Variants in PPOX observed in about 807,000 individuals in gnomAD.
PPOX encodes protoporphyrinogen oxidase.
A neutral mutation model predicts 54.1 loss-of-function variants in PPOX; 23 were observed. That is an observed-to-expected ratio of 0.43 (90% CI 0.31 to 0.60). The LOEUF (loss-of-function observed/expected upper bound fraction) is 0.60. Ranked by LOEUF, PPOX falls within the 20% of genes least tolerant of loss-of-function variation. The pLI, the probability that PPOX is intolerant of heterozygous loss-of-function variation, is 0.13. For synonymous variants in PPOX, 224 were observed against 236.1 expected (o/e 0.95, Z 0.47); for missense variants, 512 against 601.1 (o/e 0.85, Z 1.55).
At chr1:161,167,290 A>G in intron 3 of PPOX, 56 bp downstream of exon 3, 1 of 1,614,060 alleles carries the variant, frequency 6.2e-7, no homozygotes. Flanking sequence ...CCATTGGGGA[A>G]TAGAGTTTAG....
chr1:161,174,095 G>T, downstream of PPOX: 1 of 1,580,752 alleles, frequency 6.3e-7, no homozygotes. Flanking sequence ...TAGGTGGCAC[G>T]GAGAAAAGGG....
At chr1:161,167,565 T>TTC (rs1659511518) in intron 4 of PPOX, 79 bp downstream of exon 4, 1 of 1,367,176 alleles carries the variant, frequency 7.3e-7, no homozygotes, top group African/African-American at 1.7e-5. Context: ...TTCTTTTTTT[T>TTC]TTTTTTTTTT....
At chr1:161,175,836 G>A (rs781538101), downstream of PPOX, 6 of 1,614,136 alleles carry the variant, frequency 3.7e-6, no homozygotes, top group East Asian at 2.2e-5. Flanking sequence ...CTGGACAGTA[G>A]GGCAGACCTT....
intron 4 of PPOX, chr1:161,176,295 C>T: frequency 1.7e-6 from 1 of 599,040 alleles, no homozygotes; most frequent in South Asian, 2.0e-5. Context: ...CTCTCCTCTA[C>T]CTCCCCCCAA....
At chr1:161,166,151 G>T, upstream of PPOX, 3 of 985,140 alleles carry the variant, frequency 3.0e-6, no homozygotes, top group Non-Finnish European at 3.6e-6. Context: ...TTCCCTCTAG[G>T]GTTGTCACCC....
At position 161,176,835 on chromosome 1, in the gene PPOX, T is replaced by C. The variant is rs182760209; in HGVS notation, c.373-14T>C. On this transcript the variant is annotated splice_polypyrimidine_tract_variant and intron_variant, in intron 4 of 4. Transcript: ENST00000497522. The stretch of plus-strand genomic sequence containing the variant: ...GGGGACAGGACAGCTAATGGAAACA[T>C]TGTTTTCCCCCAGACCAAGAACCAG... The C allele has an allele frequency of 3.0e-3, 4,632 of 1,532,744 alleles. 6 individuals are homozygous for C. Among genetic ancestry groups the C allele is most frequent in the Non-Finnish European group, 3.7e-3 (4,266 of 1,143,922 alleles). 94.9% of individuals were successfully genotyped at this position (1,532,744 alleles called of 1,614,324 possible). A position where few individuals can be genotyped will look rare whatever the true frequency, so the allele number is the denominator to read the frequency against.
chr1:161,165,954 G>T (rs1355642610), upstream of PPOX: 1 of 271,846 alleles, frequency 3.7e-6, no homozygotes, highest in Non-Finnish European at 5.6e-6. Flanking sequence ...AGGCTCTGGG[G>T]CGACTGGTTT....
chr1:161,173,699 C>T, downstream of PPOX: 1 of 1,614,160 alleles, frequency 6.2e-7, no homozygotes, highest in Non-Finnish European at 8.5e-7. Context: ...AGTGCTGAGA[C>T]TCCTCCGAAG....
At chr1:161,176,002 A>G (rs1663370231), downstream of PPOX, 2 of 1,614,128 alleles carry the variant, frequency 1.2e-6, no homozygotes, top group Non-Finnish European at 8.5e-7. Flanking sequence ...CATGACAGCC[A>G]GCTGGGAGCC....
At chr1:161,171,507 G>A (rs565652816), downstream of PPOX, 1 of 577,688 alleles carries the variant, frequency 1.7e-6, no homozygotes, top group South Asian at 2.1e-5. Flanking sequence ...TCTCTCCATG[G>A]AAGAGGGAGG....
chr1:161,176,921 A>T, exon 5 of PPOX: 1 of 1,536,202 alleles, frequency 6.5e-7, no homozygotes, highest in South Asian at 1.2e-5. Context: ...CCCAGGGCGA[A>T]GTAGGAAACA....
chr1:161,169,537 G>A (rs1017524848), intron 7 of PPOX, 123 bp from the exon 8 acceptor site: 5 of 993,832 alleles, frequency 5.0e-6, no homozygotes, highest in Middle Eastern at 2.7e-4. Flanking sequence ...CTTCATCCTG[G>A]GTCAGTACAC....
At chr1:161,173,954 A>G (rs1187386162), downstream of PPOX, 11 of 1,614,186 alleles carry the variant, frequency 6.8e-6, no homozygotes, top group South Asian at 2.2e-5. Context: ...AGAGGTCCAC[A>G]TCGTGCAAGA....
Position 161,169,153 on chromosome 1 carries a change from G to A in PPOX, c.777G>A (p.Gly259=), listed in dbSNP as rs1480794596. Residue 259 remains glycine (G), a synonymous_variant, in exon 7 of 13, where the codon GGG becomes GGA. Transcript: ENST00000367999. ...TTCTCAGAGGCCAGCCGGTCTGTGG[G>A]CTCAGCCTCCAGGCAGAAGGGCGCT... The part of the protein sequence containing the change: ...VSVLRGQPVC[G]LSLQAEGRWK... The A allele has an allele frequency of 6.2e-7, 1 of 1,614,122 alleles. No homozygotes were observed. Among genetic ancestry groups the A allele is most frequent in the African/African-American group, 1.3e-5 (1 of 75,070 alleles).
At chr1:161,169,290 G>T in intron 7 of PPOX, 107 bp downstream of exon 7, 2 of 1,347,140 alleles carry the variant, frequency 1.5e-6, no homozygotes, top group Non-Finnish European at 2.1e-6. Flanking sequence ...TTGTTTTTGT[G>T]CCTTAGAAGC....
chr1:161,166,740 C>A, intron 1 of PPOX, 68 bp downstream of exon 1: 9 of 1,564,812 alleles, frequency 5.8e-6, no homozygotes, highest in Non-Finnish European at 7.7e-6. Flanking sequence ...TTAGTTTCCC[C>A]TAAAGCAGTG....
upstream of PPOX, chr1:161,166,284 T>C (rs1658856218): frequency 2.0e-6 from 2 of 1,013,486 alleles, no homozygotes; most frequent in African/African-American, 1.7e-5. Flanking sequence ...GCTAACACGG[T>C]TAACCTCCAG....
intron 12 of PPOX, 36 bp downstream of exon 12, chr1:161,170,985 A>T: frequency 6.2e-7 from 1 of 1,614,122 alleles, no homozygotes; most frequent in Non-Finnish European, 8.5e-7. Context: ...AGGAGGGCCA[A>T]GGACATCAGA....
downstream of PPOX, chr1:161,175,172 G>GC: frequency 1.9e-6 from 3 of 1,613,646 alleles, no homozygotes; most frequent in Non-Finnish European, 2.5e-6. Flanking sequence ...CGGGGATTCC[G>GC]CTCCACAATC....
Sources: allele counts gnomAD v4.1 joint callset, GRCh38; gene constraint gnomAD v4.1.1; transcripts MANE v1.5; gene names NCBI Gene and HGNC (gene_info 2026-07-23, HGNC 2026-07-21).